The following PRKD3 variants were observed in gnomAD, a reference collection of about 807,000 sequenced individuals.
The protein encoded by PRKD3 is protein kinase D3.
PRKD3 carries 47 observed loss-of-function variants against 99.2 expected under a neutral mutation model. The observed-to-expected ratio is 0.47, with a 90% CI of 0.38 to 0.60. The LOEUF (loss-of-function observed/expected upper bound fraction) is 0.60, where lower values mean the gene tolerates loss of function less well. PRKD3 is among the 20% of genes least tolerant of loss of function. The probability of loss-of-function intolerance (pLI) is 0.00; values close to 1 mark genes in which losing one functional copy is unlikely to be tolerated. For missense variants in PRKD3, 1,019 were observed against 1,088.4 expected, an observed-to-expected ratio of 0.94 and a Z score of 0.90; for synonymous variants, 392 against 355.4, an observed-to-expected ratio of 1.10 and a Z score of -1.16.
At chr2:37,308,605 C>A (rs1671274304) in intron 2 of PRKD3, among the ~76,000 whole-genome samples, 1 of 150,860 alleles carries the variant, frequency 6.6e-6, no homozygotes, top group African/African-American at 2.4e-5. Context: ...TAGGCACCTG[C>A]CACCACACCT....
intron 1 of PRKD3, among the ~76,000 whole-genome samples, chr2:37,321,978 T>C (rs1355036561): frequency 6.6e-6 from 1 of 152,246 alleles, no homozygotes; most frequent in Non-Finnish European, 1.5e-5. Flanking sequence ...AAAATGCTTT[T>C]CCTATTGGAA....
rs944401784 is a variant in PRKD3 at position 37,291,066 on chromosome 2, A to T, written c.428-67T>A. The stretch of plus-strand genomic sequence containing the variant: ...CTGCGATGAGATTAAGAATGCTCAC[A>T]CATTCACTTATGTCAAAGTACACAG... On this transcript the variant is annotated intron_variant, in intron 3 of 18. Coordinates refer to ENST00000234179, the MANE Select transcript of PRKD3 (RefSeq NM_005813.6). 1.6e-5 allele frequency: 22 copies of T among 1,358,072 alleles called. No individual in the cohort carries two copies. The South Asian group carries it at 3.1e-4, about 19-fold the overall frequency. 84.1% of individuals were successfully genotyped at this position (1,358,072 alleles called of 1,614,324 possible). A position where few individuals can be genotyped will look rare whatever the true frequency, so the allele number is the denominator to read the frequency against.
intron 18 of PRKD3, 35 bp downstream of exon 18, chr2:37,254,169 G>T (rs781047343): frequency 5.3e-5 from 78 of 1,482,690 alleles, no homozygotes; most frequent in Middle Eastern, 1.8e-4. Flanking sequence ...CTACTCAAAT[G>T]AGGATTGCCA....
intron 17 of PRKD3, among the ~76,000 whole-genome samples, chr2:37,255,621 TATA>T (rs1667868421): frequency 6.6e-6 from 1 of 152,126 alleles, no homozygotes; most frequent in Non-Finnish European, 1.5e-5. Context: ...TCATTCTAGG[TATA>T]AGGAACCGGA....
rs1267854855 is a variant in PRKD3 at position 37,289,268 on chromosome 2, T to C, written c.717+88A>G. The stretch of plus-strand genomic sequence containing the variant: ...AGGAACATTACCATTCTTTAGCATA[T>C]AAATTATGTTCTAGAGTGATGTCAT... On this transcript the variant is annotated intron_variant, in intron 5 of 18. Transcript: ENST00000234179. 5 of 1,407,762 alleles carry C rather than the reference T, an allele frequency of 3.6e-6. No homozygotes were observed. The South Asian group carries it at 4.2e-5, about 12-fold the overall frequency. 87.2% of individuals were successfully genotyped at this position (1,407,762 alleles called of 1,614,324 possible).
At chr2:37,259,502 A>T in intron 16 of PRKD3, 81 bp downstream of exon 16, 1 of 1,079,488 alleles carries the variant, frequency 9.3e-7, no homozygotes, top group Non-Finnish European at 1.4e-6. Flanking sequence ...AACCAACAGT[A>T]CTTAGTACAC....
At chr2:37,275,881 A>G (rs377424584) in intron 9 of PRKD3, 37 bp from the exon 10 acceptor site, 1 of 1,587,410 alleles carries the variant, frequency 6.3e-7, no homozygotes, top group Non-Finnish European at 8.6e-7. Flanking sequence ...GAGGTTCAAA[A>G]ATGATTCCTC....
At chr2:37,266,462 A>G (rs999792071) in intron 14 of PRKD3, among the ~76,000 whole-genome samples, 1 of 149,050 alleles carries the variant, frequency 6.7e-6, no homozygotes, top group East Asian at 2.0e-4. Context: ...AGTAGCTTAG[A>G]TTACAGGCAT....
intron 1 of PRKD3, among the ~76,000 whole-genome samples, chr2:37,323,775 G>T (rs1671982664): frequency 6.6e-6 from 1 of 152,198 alleles, no homozygotes; most frequent in South Asian, 2.1e-4. Flanking sequence ...CATAAAAGCT[G>T]TGTCGCACCA....
intron 16 of PRKD3, among the ~76,000 whole-genome samples, chr2:37,257,924 G>T (rs1334052101): frequency 6.6e-6 from 1 of 152,114 alleles, no homozygotes; most frequent in Non-Finnish European, 1.5e-5. Context: ...ACAGTTATAT[G>T]TAAAGGGAGC....
intron 14 of PRKD3, 148 bp downstream of exon 14, chr2:37,267,282 C>T: frequency 2.0e-6 from 1 of 494,302 alleles, no homozygotes; most frequent in Non-Finnish European, 3.5e-6. Context: ...AAAACTACTA[C>T]CATAAAGCAA....
rs915494181 is a variant in PRKD3 at position 37,252,041 on chromosome 2, C to A, written c.*1136G>T. On this transcript the variant is annotated 3_prime_UTR_variant, in exon 19 of 19. Coordinates refer to ENST00000234179, the MANE Select transcript of PRKD3 (RefSeq NM_005813.6). ...GAAATGTAAAAAGAAGTACTTCTTT[C>A]ATTCTTTAATTTGCTGTGCTGATAA... 2.0e-5 allele frequency: 3 copies of A among 152,114 alleles called. No homozygotes were observed. Among genetic ancestry groups the A allele is most frequent in the Non-Finnish European group, 4.4e-5 (3 of 68,016 alleles). The allele number at this position is 152,114 out of a possible 1,614,324, so 9.4% of individuals were successfully genotyped here. A position where few individuals can be genotyped will look rare whatever the true frequency, so the allele number is the denominator to read the frequency against.
At chr2:37,270,197 A>C (rs1025213720) in intron 12 of PRKD3, among the ~76,000 whole-genome samples, 4 of 152,116 alleles carry the variant, frequency 2.6e-5, no homozygotes, top group African/African-American at 7.2e-5. Context: ...ACTGCACTCC[A>C]GCCTGGGCAA....
intron 1 of PRKD3, among the ~76,000 whole-genome samples, chr2:37,320,525 G>A (rs561176363): frequency 7.0e-6 from 1 of 142,818 alleles, no homozygotes; most frequent in African/African-American, 2.6e-5. Context: ...TCCGCCTCCC[G>A]GGTTCAAGCG....
chr2:37,314,084 T>C (rs1011740711), intron 2 of PRKD3, among the ~76,000 whole-genome samples: 3 of 151,980 alleles, frequency 2.0e-5, no homozygotes, highest in East Asian at 1.9e-4. Context: ...ACAATTGTAG[T>C]TGAGAGATTT....
At chr2:37,265,956 A>G (rs1668808044) in intron 14 of PRKD3, among the ~76,000 whole-genome samples, 1 of 152,244 alleles carries the variant, frequency 6.6e-6, no homozygotes, top group African/African-American at 2.4e-5. Flanking sequence ...CCATAGGAAT[A>G]TATCCTTAAT....
At chr2:37,269,363 T>C in intron 13 of PRKD3, 2 of 468,012 alleles carry the variant, frequency 4.3e-6, no homozygotes, top group South Asian at 2.4e-5. Context: ...AACATCTGTA[T>C]GTGTGAGCTA....
intron 13 of PRKD3, chr2:37,269,240 C>A (rs1258581695): frequency 4.6e-6 from 1 of 218,486 alleles, no homozygotes; most frequent in Non-Finnish European, 9.5e-6. Context: ...ATCATGCCAA[C>A]AGTAGACAAA....
At chr2:37,314,151 TAG>T (rs1671563441) in intron 2 of PRKD3, among the ~76,000 whole-genome samples, 1 of 152,112 alleles carries the variant, frequency 6.6e-6, no homozygotes, top group African/African-American at 2.4e-5. Flanking sequence ...AATAAAGATA[TAG>T]AAGATTTGAA....
Sources: allele counts gnomAD v4.1 joint callset (sites outside exome capture counted in the v4.1 genomes callset), GRCh38; gene constraint gnomAD v4.1.1; transcripts MANE v1.5; gene names NCBI Gene and HGNC (gene_info 2026-07-23, HGNC 2026-07-21).